GPR65: variants seen among roughly 807,000 people sequenced by gnomAD.
GPR65 encodes G protein-coupled receptor 65.
Under a neutral mutation model 0.7 loss-of-function variants are expected in GPR65, and 2 were observed. The observed-to-expected ratio is 2.83, with a 90% CI of 1.16 to 8.92. The LOEUF (loss-of-function observed/expected upper bound fraction) is 8.92. GPR65 is among the 30% of genes most tolerant of loss of function. The pLI, the probability that GPR65 is intolerant of heterozygous loss-of-function variation, is 0.04. For synonymous variants in GPR65, 128 were observed against 146.5 expected, an observed-to-expected ratio of 0.87 and a Z score of 0.91; for missense variants, 379 against 399.4, an observed-to-expected ratio of 0.95 and a Z score of 0.43.
rs1887737810 is a variant in GPR65, at chr14:88,014,634, T to A, written c.*2773T>A. On this transcript the variant is annotated 3_prime_UTR_variant, in exon 2 of 2. Coordinates refer to ENST00000267549, the MANE Select transcript of GPR65 (RefSeq NM_003608.4). Reference sequence around the variant, plus strand: ...AAGCTCTTTATGATGCACCGGTGCATTTTTATTTAAAAAATAGATTGTGAC... The same window carrying A: ...AAGCTCTTTATGATGCACCGGTGCAATTTTATTTAAAAAATAGATTGTGAC... The A allele has an allele frequency of 6.6e-6, 1 of 152,168 alleles. No individual in the cohort carries two copies. The highest frequency in any genetic ancestry group is 6.5e-5 in the Admixed American group (1 of 15,274). The allele number at this position is 152,168 out of a possible 1,614,324, so 9.4% of individuals were successfully genotyped here. A position where few individuals can be genotyped will look rare whatever the true frequency, so the allele number is the denominator to read the frequency against.
chr14:88,011,847 G>C lies in GPR65; in HGVS notation c.1000G>C (p.Glu334Gln). The change falls in exon 2 of 2, where the codon GAG becomes CAG. Residue 334 changes from glutamate to glutamine, a missense_variant. By Grantham distance (29) the Glu-to-Gln change is conservative. Transcript: ENST00000267549. ...SVSTKDTMEL[E>Q]VLE ...GTCTACAAAAGATACTATGGAATTA[G>C]AGGTCCTTGAGTAGAACCAAGGATG... 1 of 1,558,830 alleles carries C rather than the reference G, an allele frequency of 6.4e-7. No individual in the cohort carries two copies. Among genetic ancestry groups the C allele is most frequent in the Non-Finnish European group, 8.7e-7 (1 of 1,152,010 alleles).
Position 88,011,622 on chromosome 14 carries a change from G to A in GPR65, c.775G>A (p.Glu259Lys), listed in dbSNP as rs142658908. Reference protein sequence around the residue: ...RCILEHAVNFEDHSNSGKRTY... With the variant: ...RCILEHAVNFKDHSNSGKRTY... ...CATTTTAGAGCATGCTGTGAACTTC[G>A]AAGACCACAGCAATTCTGGGAAGCG... The change falls in exon 2 of 2, where the codon GAA (glutamate) becomes AAA (lysine). Residue 259 changes from glutamate (E) to lysine (K), a missense_variant. Coordinates refer to ENST00000267549, the MANE Select transcript of GPR65 (RefSeq NM_003608.4). 5.6e-6 allele frequency: 9 copies of A among 1,613,890 alleles called. No individual in the cohort carries two copies. Among genetic ancestry groups the A allele is most frequent in the South Asian group, 3.3e-5 (3 of 91,080 alleles).
rs372303296 is a variant in GPR65, at chr14:88,011,543, A to G, written c.696A>G (p.Thr232=). 19 of 1,613,806 alleles carry G rather than the reference A, an allele frequency of 1.2e-5. No individual in the cohort carries two copies. In the African/African-American group the frequency reaches 1.7e-4, roughly 15 times the overall value. Reference sequence around the variant, plus strand: ...TCATAAAACTACTTGTCAGCATCACAGTTACTTTTGTCTTATGCTTTACTC... The same window carrying G: ...TCATAAAACTACTTGTCAGCATCACGGTTACTTTTGTCTTATGCTTTACTC... ...KRIIKLLVSI[T]VTFVLCFTPF... is the part of the protein sequence containing the mutation. Residue 232 remains threonine (T), a synonymous_variant, in exon 2 of 2, where the codon ACA becomes ACG. Coordinates refer to ENST00000267549, the MANE Select transcript of GPR65 (RefSeq NM_003608.4).
intron 1 of GPR65, among the ~76,000 whole-genome samples, chr14:88,009,267 C>A (rs905662364): frequency 5.9e-5 from 9 of 152,058 alleles, no homozygotes; most frequent in Non-Finnish European, 1.3e-4. Flanking sequence ...ACAGCTCCCA[C>A]CTCCTTTCTT....
rs1887665082 is a variant in GPR65, at chr14:88,010,825, AT to A, written c.-21del. 1 of 1,543,374 alleles carries A rather than the reference AT, an allele frequency of 6.5e-7. No homozygotes were observed. The highest frequency in any genetic ancestry group is 8.9e-7 in the Non-Finnish European group (1 of 1,119,568). On this transcript the variant is annotated 5_prime_UTR_variant, in exon 2 of 2. In the 5' UTR this introduces an upstream ATG that the reference lacks. Transcript: ENST00000267549. ...TGTTTACTTTCTAAGAACTAATATAATTGCTACCTTAAAAAGGAAAAAATGA... is the reference window on the plus strand; with the variant it reads ...TGTTTACTTTCTAAGAACTAATATAATGCTACCTTAAAAAGGAAAAAATGA...
chr14:88,006,703 C>T (rs1171566006), intron 1 of GPR65, among the ~76,000 whole-genome samples: 3 of 152,132 alleles, frequency 2.0e-5, no homozygotes, highest in Admixed American at 6.6e-5. Context: ...CCGACTTTCT[C>T]GGTCCTGGTC....
At position 88,012,973 on chromosome 14, in the gene GPR65, T is replaced by A. The variant is rs537051717; in HGVS notation, c.*1112T>A. 12 of 152,254 alleles carry A rather than the reference T, an allele frequency of 7.9e-5. No homozygotes were observed. Among genetic ancestry groups the A allele is most frequent in the Admixed American group, 3.3e-4 (5 of 15,280 alleles). 9.4% of individuals were successfully genotyped at this position (152,254 alleles called of 1,614,324 possible). On this transcript the variant is annotated 3_prime_UTR_variant, in exon 2 of 2. Transcript: ENST00000267549. ...AACATAGCTGAAATTACCAGAAGTT[T>A]AATGCATAGACAAATAAATAGTTCT...
In GPR65 at chr14:88,010,836, A is replaced by T. The variant is rs771179586; in HGVS notation, c.-12A>T. 1.9e-6 allele frequency: 3 copies of T among 1,590,832 alleles called. No individual in the cohort carries two copies. Among genetic ancestry groups the T allele is most frequent in the East Asian group, 2.2e-5 (1 of 44,622 alleles). On this transcript the variant is annotated 5_prime_UTR_variant, in exon 2 of 2. Coordinates refer to ENST00000267549, the MANE Select transcript of GPR65 (RefSeq NM_003608.4). ...TAAGAACTAATATAATTGCTACCTTAAAAAGGAAAAAATGAACAGCACATG... is the reference window on the plus strand; with the variant it reads ...TAAGAACTAATATAATTGCTACCTTTAAAAGGAAAAAATGAACAGCACATG...
At position 88,013,439 on chromosome 14, in the gene GPR65, C is replaced by T. The variant is rs1268668874; in HGVS notation, c.*1578C>T. On this transcript the variant is annotated 3_prime_UTR_variant, in exon 2 of 2. Transcript: ENST00000267549. The stretch of plus-strand genomic sequence containing the variant: ...AGACACTCAGTAAACATTTTCCTCA[C>T]CAAAATATTTTTAAGGATTTTTCTA... 6.6e-6 allele frequency: 1 copy of T among 152,144 alleles called. No individual in the cohort carries two copies. Among genetic ancestry groups the T allele is most frequent in the Non-Finnish European group, 1.5e-5 (1 of 68,030 alleles). The allele number at this position is 152,144 out of a possible 1,614,324, so 9.4% of individuals were successfully genotyped here. A position where few individuals can be genotyped will look rare whatever the true frequency, so the allele number is the denominator to read the frequency against.
In GPR65 at chr14:88,011,809, G is replaced by A. The variant is rs775202791; in HGVS notation, c.962G>A (p.Arg321His). The A allele has an allele frequency of 2.1e-5, 33 of 1,598,670 alleles. No homozygotes were observed. Among genetic ancestry groups the A allele is most frequent in the Middle Eastern group, 1.7e-4 (1 of 5,958 alleles). ...RCNTSQRQRKRILSVSTKDTM... is the reference protein window; with the variant it reads ...RCNTSQRQRKHILSVSTKDTM... The stretch of plus-strand genomic sequence containing the variant: ...AATACATCACAAAGACAAAGAAAAC[G>A]CATACTTTCTGTGTCTACAAAAGAT... Residue 321 changes from arginine to histidine, a missense_variant, in exon 2 of 2, where the codon CGC becomes CAC. Physicochemically the swap from Arg to His is conservative, Grantham distance 29 (BLOSUM62 0). Transcript: ENST00000267549.
Position 88,010,935 on chromosome 14 carries a change from C to T in GPR65, c.88C>T (p.Pro30Ser). 6.2e-7 allele frequency: 1 copy of T among 1,611,702 alleles called. No individual in the cohort carries two copies. Residue 30 changes from proline to serine, a missense_variant, in exon 2 of 2, where the codon CCA (proline) becomes TCA (serine). By Grantham distance (74) the Pro-to-Ser change is moderately conservative (BLOSUM62 -1). Coordinates refer to ENST00000267549, the MANE Select transcript of GPR65 (RefSeq NM_003608.4). The stretch of plus-strand genomic sequence containing the variant: ...CATCTTTGTGATTATAGTCAGCATT[C>T]CAGCCAATATTGGATCTCTGTGTGT... The part of the protein sequence containing the change: ...VYIFVIIVSI[P>S]ANIGSLCVSF...
At chr14:88,009,685 A>G (rs1887645048) in intron 1 of GPR65, among the ~76,000 whole-genome samples, 1 of 152,204 alleles carries the variant, frequency 6.6e-6, no homozygotes, top group Non-Finnish European at 1.5e-5. Flanking sequence ...AATCTATGAC[A>G]TCATAGCTTT....
At position 88,013,718 on chromosome 14, in the gene GPR65, T is replaced by C. The variant is rs1887723176; in HGVS notation, c.*1857T>C. On this transcript the variant is annotated 3_prime_UTR_variant, in exon 2 of 2. Coordinates refer to ENST00000267549, the MANE Select transcript of GPR65 (RefSeq NM_003608.4). ...TCTGTCTCTACTAAAAATTCAAAAA[T>C]GTGCCAGACCTGGCCTGGTGGCATG... is the stretch of plus-strand genomic sequence containing the variant. 6.6e-6 allele frequency: 1 copy of C among 152,018 alleles called. No homozygotes were observed. The highest frequency in any genetic ancestry group is 1.5e-5 in the Non-Finnish European group (1 of 68,056). The allele number at this position is 152,018 out of a possible 1,614,324, so 9.4% of individuals were successfully genotyped here.
Position 88,010,897 on chromosome 14 carries a change from T to C in GPR65, c.50T>C (p.Phe17Ser). The C allele has an allele frequency of 6.2e-7, 1 of 1,613,080 alleles. No homozygotes were observed. Among genetic ancestry groups the C allele is most frequent in the Non-Finnish European group, 8.5e-7 (1 of 1,179,054 alleles). ...EEQHDLDHYL[F>S]PIVYIFVIIV... The stretch of plus-strand genomic sequence containing the variant: ...CAGCATGACCTGGATCACTATTTGT[T>C]TCCCATTGTTTACATCTTTGTGATT... Residue 17 changes from phenylalanine (F) to serine (S), a missense_variant, in exon 2 of 2, where the codon TTT becomes TCT. Phe to Ser is a radical substitution (Grantham distance 155). Coordinates refer to ENST00000267549, the MANE Select transcript of GPR65 (RefSeq NM_003608.4).
intron 1 of GPR65, among the ~76,000 whole-genome samples, chr14:88,007,917 C>T (rs1887619648): frequency 6.6e-6 from 1 of 151,632 alleles, no homozygotes; most frequent in Admixed American, 6.6e-5. Flanking sequence ...TCAACTTCTT[C>T]CAGGAGCCTA....
At chr14:88,007,395 C>CT (rs1266961664) in intron 1 of GPR65, among the ~76,000 whole-genome samples, 2 of 151,776 alleles carry the variant, frequency 1.3e-5, no homozygotes, top group Admixed American at 1.3e-4. Context: ...CCCTTTTCAC[C>CT]TTTTCTCCAT....
intron 1 of GPR65, among the ~76,000 whole-genome samples, chr14:88,005,703 C>T (rs1887585181): frequency 6.6e-6 from 1 of 152,058 alleles, no homozygotes; most frequent in Admixed American, 6.6e-5. Context: ...ACCACAGTGC[C>T]TGAAATATAT....
Position 88,010,902 on chromosome 14 carries a change from A to G in GPR65, c.55A>G (p.Ile19Val), listed in dbSNP as rs1363778837. 9 of 1,612,856 alleles carry G rather than the reference A, an allele frequency of 5.6e-6. No homozygotes were observed. The highest frequency in any genetic ancestry group is 7.6e-6 in the Non-Finnish European group (9 of 1,178,872). The stretch of plus-strand genomic sequence containing the variant: ...TGACCTGGATCACTATTTGTTTCCC[A>G]TTGTTTACATCTTTGTGATTATAGT... Reference protein sequence around the residue: ...QHDLDHYLFPIVYIFVIIVSI... With the variant: ...QHDLDHYLFPVVYIFVIIVSI... Residue 19 changes from isoleucine to valine, a missense_variant, in exon 2 of 2, where the codon ATT (isoleucine) becomes GTT (valine). Transcript: ENST00000267549.
In GPR65 at chr14:88,013,421, C is replaced by T. The variant is rs1317863753; in HGVS notation, c.*1560C>T. On this transcript the variant is annotated 3_prime_UTR_variant, in exon 2 of 2. Coordinates refer to ENST00000267549, the MANE Select transcript of GPR65 (RefSeq NM_003608.4). ...AATTGCCTCGTTGTAAATAGACACT[C>T]AGTAAACATTTTCCTCACCAAAATA... 1 of 152,134 alleles carries T rather than the reference C, an allele frequency of 6.6e-6. No homozygotes were observed. Among genetic ancestry groups the T allele is most frequent in the East Asian group, 1.9e-4 (1 of 5,186 alleles). 9.4% of individuals were successfully genotyped at this position (152,134 alleles called of 1,614,324 possible).
Sources: allele counts gnomAD v4.1 joint callset (sites outside exome capture counted in the v4.1 genomes callset), GRCh38; gene constraint gnomAD v4.1.1; transcripts MANE v1.5; gene names NCBI Gene and HGNC (gene_info 2026-07-23, HGNC 2026-07-21).